RNPC3: variants seen among roughly 807,000 people sequenced by gnomAD.
The protein encoded by RNPC3 is RNA-binding region-containing protein 3.
RNPC3 carries 48 observed loss-of-function variants against 67.5 expected under a neutral mutation model. That is an observed-to-expected ratio of 0.71 (90% CI 0.56 to 0.90). The LOEUF is 0.90. Ranked by LOEUF, RNPC3 falls within the 40% of genes least tolerant of loss-of-function variation. The probability of loss-of-function intolerance (pLI) is 0.00; values close to 1 mark genes in which losing one functional copy is unlikely to be tolerated. For synonymous variants in RNPC3, 239 were observed against 210.3 expected (o/e 1.14, Z -1.18); for missense variants, 637 against 626.1 (o/e 1.02, Z -0.19).
intron 11 of RNPC3, chr1:103,546,565 T>C (rs1395171279): frequency 8.4e-6 from 3 of 358,638 alleles, no homozygotes; most frequent in Non-Finnish European, 1.5e-5. Context: ...GAGTTTGTGG[T>C]ATGTATTAAT....
At position 103,533,908 on chromosome 1, in the gene RNPC3, T is replaced by TG. The variant is rs1309673931; in HGVS notation, c.359+51_359+52insG. ...TTTTGTTACATTTTTAAAGTGTGTG[T>TG]TTTTTTAAATCAGTTATACAGTTAT... On this transcript the variant is annotated intron_variant, in intron 3 of 14. Coordinates refer to ENST00000423855, the MANE Select transcript of RNPC3 (RefSeq NM_017619.4). 72 of 954,366 alleles carry TG rather than the reference T, an allele frequency of 7.5e-5. No individual in the cohort carries two copies. In the African/African-American group the frequency reaches 1.1e-3, roughly 14 times the overall value. The allele number at this position is 954,366 out of a possible 1,614,324, so 59.1% of individuals were successfully genotyped here.
intron 2 of RNPC3, among the ~76,000 whole-genome samples, chr1:103,532,770 C>G (rs1303025723): frequency 2.6e-5 from 4 of 152,008 alleles, no homozygotes; most frequent in Non-Finnish European, 4.4e-5. Flanking sequence ...TAAATGCAAC[C>G]AAGTGAAGAC....
Position 103,536,085 on chromosome 1 carries a change from A to T in RNPC3, c.556-41A>T, listed in dbSNP as rs1553193439. 7 of 1,394,348 alleles carry T rather than the reference A, an allele frequency of 5.0e-6. No individual in the cohort carries two copies. The South Asian group carries it at 8.6e-5, about 17-fold the overall frequency. 86.4% of individuals were successfully genotyped at this position (1,394,348 alleles called of 1,614,324 possible). ...TACATAAAATACAAGATGTGAGTTG[A>T]ATCATTTTATATGTGAATTTAAATG... On this transcript the variant is annotated intron_variant, in intron 5 of 14. Coordinates refer to ENST00000423855, the MANE Select transcript of RNPC3 (RefSeq NM_017619.4).
intron 2 of RNPC3, among the ~76,000 whole-genome samples, chr1:103,530,988 AC>A (rs1471852805): frequency 6.6e-6 from 1 of 151,684 alleles, no homozygotes; most frequent in Non-Finnish European, 1.5e-5. Context: ...TTTATCCCTC[AC>A]CCCCACTCCC....
intron 12 of RNPC3, among the ~76,000 whole-genome samples, chr1:103,548,735 G>C (rs1651309483): frequency 1.3e-5 from 2 of 152,072 alleles, no homozygotes; most frequent in South Asian, 4.1e-4. Context: ...TATCTTTTCA[G>C]CAGTATCCCA....
chr1:103,546,439 T>C, intron 11 of RNPC3, 97 bp downstream of exon 11: 1 of 565,528 alleles, frequency 1.8e-6, no homozygotes, highest in East Asian at 3.5e-5. Context: ...TTTAAGAATG[T>C]GGTTTTCTTA....
At position 103,537,484 on chromosome 1, in the gene RNPC3, G is replaced by C. The variant is rs1651014586; in HGVS notation, c.767G>C (p.Arg256Thr). ...YESTDDEDRQ[R>T]MNKLMELANL... ...AGCACTGATGATGAGGACCGACAGA[G>C]GTTTGTAACATGAAAAATTTGTTTA... The change falls in exon 7 of 15, where the codon AGA (arginine) becomes ACA (threonine). Residue 256 changes from arginine to threonine, a missense_variant and splice_region_variant. This residue lies in a region of RNPC3 where 536 missense variants were observed against 500.3 expected (regional missense o/e 1.07). Transcript: ENST00000423855. 6.5e-7 allele frequency: 1 copy of C among 1,529,278 alleles called. No homozygotes were observed. The allele number at this position is 1,529,278 out of a possible 1,614,324, so 94.7% of individuals were successfully genotyped here. A position where few individuals can be genotyped will look rare whatever the true frequency, so the allele number is the denominator to read the frequency against.
At chr1:103,532,005 A>G (rs569939549) in intron 2 of RNPC3, among the ~76,000 whole-genome samples, 2 of 152,230 alleles carry the variant, frequency 1.3e-5, no homozygotes, top group East Asian at 3.9e-4. Flanking sequence ...TGATTTTTGT[A>G]TAAGGTGAGA....
chr1:103,534,154 A>G (rs1206293094), intron 3 of RNPC3, among the ~76,000 whole-genome samples: 3 of 152,028 alleles, frequency 2.0e-5, no homozygotes, highest in Non-Finnish European at 4.4e-5. Context: ...AAGTCTTTGT[A>G]TCAGAGATAT....
At chr1:103,550,041 G>C (rs1222819825) in intron 12 of RNPC3, among the ~76,000 whole-genome samples, 1 of 151,824 alleles carries the variant, frequency 6.6e-6, no homozygotes, top group Non-Finnish European at 1.5e-5. Flanking sequence ...GTAGACGGCT[G>C]TAATCCCAGC....
intron 6 of RNPC3, 63 bp downstream of exon 6, chr1:103,536,257 GA>G (rs1650984690): frequency 8.6e-7 from 1 of 1,159,506 alleles, no homozygotes; most frequent in East Asian, 2.6e-5. Context: ...TATTGAGGCT[GA>G]ATTATACAGG....
chr1:103,529,823 C>T (rs865873795), intron 2 of RNPC3, among the ~76,000 whole-genome samples: 2 of 152,192 alleles, frequency 1.3e-5, no homozygotes, highest in Non-Finnish European at 2.9e-5. Flanking sequence ...CTAACCACCA[C>T]CTGTTAGAAC....
Position 103,534,795 on chromosome 1 carries a change from T to C in RNPC3, c.381T>C (p.Asp127=), listed in dbSNP as rs1296733882. The C allele has an allele frequency of 7.8e-6, 12 of 1,531,372 alleles. No homozygotes were observed. The East Asian group carries it at 2.2e-4, about 28-fold the overall frequency. The allele number at this position is 1,531,372 out of a possible 1,614,324, so 94.9% of individuals were successfully genotyped here. ...KKKRSDDPVE[D]DKEKKELGYL... is the part of the protein sequence containing the mutation. ...CCAGGTCTGATGACCCTGTCGAAGA[T>C]GATAAAGAAAAAAAAGAACTTGGTT... Residue 127 remains aspartate (D), a synonymous_variant, in exon 4 of 15, where the codon GAT becomes GAC. Coordinates refer to ENST00000423855, the MANE Select transcript of RNPC3 (RefSeq NM_017619.4).
chr1:103,536,305 A>G (rs1425563803), intron 6 of RNPC3, 111 bp downstream of exon 6: 14 of 721,038 alleles, frequency 1.9e-5, no homozygotes, highest in Admixed American at 1.4e-4. Context: ...GAAAATAAGG[A>G]ACGGGTATAA....
At chr1:103,538,036 G>A (rs1651035938) in intron 7 of RNPC3, among the ~76,000 whole-genome samples, 1 of 151,954 alleles carries the variant, frequency 6.6e-6, no homozygotes, top group African/African-American at 2.4e-5. Flanking sequence ...GTAGAGATGG[G>A]GTTTCTCCAT....
chr1:103,551,484 A>G (rs1465964380), intron 13 of RNPC3, among the ~76,000 whole-genome samples: 1 of 152,220 alleles, frequency 6.6e-6, no homozygotes, highest in Non-Finnish European at 1.5e-5. Context: ...TAGTCAATGC[A>G]GTTTGCAAAC....
At position 103,525,719 on chromosome 1, in the gene RNPC3, C is replaced by G. The variant is rs926633340; in HGVS notation, c.-352C>G. ...CATGCGCAGTCGTGAGTCCTCTTGT[C>G]CTTGAGCGTCAACCTTCTTTCCCTG... On this transcript the variant is annotated 5_prime_UTR_variant, in exon 1 of 15. Transcript: ENST00000423855. 2 of 164,384 alleles carry G rather than the reference C, an allele frequency of 1.2e-5. No individual in the cohort carries two copies. Among genetic ancestry groups the G allele is most frequent in the African/African-American group, 4.8e-5 (2 of 41,626 alleles). The allele number at this position is 164,384 out of a possible 1,614,324, so 10.2% of individuals were successfully genotyped here.
At chr1:103,554,009 A>G (rs1651466972) in intron 14 of RNPC3, 1 of 152,228 alleles carries the variant, frequency 6.6e-6, no homozygotes, top group Non-Finnish European at 1.5e-5. Context: ...CGTAATCACC[A>G]AGAACAGTGG....
At chr1:103,531,773 C>T (rs1169294095) in intron 2 of RNPC3, among the ~76,000 whole-genome samples, 3 of 152,028 alleles carry the variant, frequency 2.0e-5, no homozygotes, top group East Asian at 1.9e-4. Flanking sequence ...TATTTTCTCC[C>T]GCTATGGGTT....
Sources: allele counts gnomAD v4.1 joint callset (sites outside exome capture counted in the v4.1 genomes callset), GRCh38; gene constraint gnomAD v4.1.1; regional missense constraint gnomAD v4.1.1; transcripts MANE v1.5; gene names NCBI Gene and HGNC (gene_info 2026-07-23, HGNC 2026-07-21).